Variants in KCNH5 observed in about 807,000 individuals in gnomAD.
The protein encoded by KCNH5 is potassium voltage-gated channel subfamily H member 5, also known as voltage-gated delayed rectifier potassium channel KCNH5.
A neutral mutation model predicts 96.1 loss-of-function variants in KCNH5; 46 were observed. That is an observed-to-expected ratio of 0.48 (90% confidence interval 0.38 to 0.61). The LOEUF (loss-of-function observed/expected upper bound fraction) is 0.61, where lower values mean the gene tolerates loss of function less well. Ranked by LOEUF, KCNH5 falls within the 20% of genes least tolerant of loss-of-function variation. The probability of loss-of-function intolerance (pLI) is 0.00; values close to 1 mark genes in which losing one functional copy is unlikely to be tolerated. For synonymous variants in KCNH5, 439 were observed against 449.8 expected, an observed-to-expected ratio of 0.98 and a Z score of 0.30; for missense variants, 907 against 1,225.8, an observed-to-expected ratio of 0.74 and a Z score of 3.88.
chr14:62,727,774 G>GT (rs1473120579), intron 10 of KCNH5, among the ~76,000 whole-genome samples: 5 of 137,666 alleles, frequency 3.6e-5, no homozygotes, highest in African/African-American at 1.1e-4. Context: ...TTACAGTCTG[G>GT]TAAAAAAAAA....
At chr14:62,855,712 A>G (rs1381061573) in intron 7 of KCNH5, among the ~76,000 whole-genome samples, 1 of 152,222 alleles carries the variant, frequency 6.6e-6, no homozygotes, top group African/African-American at 2.4e-5. Flanking sequence ...ATATAGTTTT[A>G]TATTTTAAAA....
rs999993713 is a variant in KCNH5, at chr14:62,912,288, A to G, written c.1369+37845T>C. On this transcript the variant is annotated intron_variant, in intron 7 of 10. Coordinates refer to ENST00000322893, the MANE Select transcript of KCNH5 (RefSeq NM_139318.5). ...ATAATAAATAGAAATTTGGTTGATG[A>G]CAACCATCAAATCTTATTCTTTGTC... Among the ~76,000 whole-genome samples, 3 of 152,142 alleles carry G rather than the reference A, an allele frequency of 2.0e-5. No homozygotes were observed. In the South Asian group the frequency reaches 6.2e-4, roughly 32 times the overall value.
chr14:62,930,477 A>G (rs1889559996), intron 7 of KCNH5, among the ~76,000 whole-genome samples: 3 of 152,172 alleles, frequency 2.0e-5, no homozygotes, highest in Admixed American at 2.0e-4. Context: ...TGTTTATATA[A>G]CAATGTTCAT....
intron 7 of KCNH5, among the ~76,000 whole-genome samples, chr14:62,862,158 T>C (rs1336832082): frequency 1.3e-5 from 2 of 152,228 alleles, no homozygotes; most frequent in Non-Finnish European, 2.9e-5. Flanking sequence ...TATTTATCTA[T>C]AAAGTTAGTG....
At position 62,802,409 on chromosome 14, in the gene KCNH5, C is replaced by G; in HGVS notation, c.1742G>C (p.Gly581Ala). Residue 581 changes from glycine (G) to alanine (A), a missense_variant, in exon 9 of 11, where the codon GGA becomes GCA. This residue lies in a region of KCNH5 where 20 missense variants were observed against 57.9 expected (regional missense o/e 0.35). Transcript: ENST00000322893. Reference sequence around the variant, plus strand: ...AAAGCAGAGGGCATCCACACTTTCTCCAGCATGGTAAATGAGGTCCCCGGG... The same window carrying G: ...AAAGCAGAGGGCATCCACACTTTCTGCAGCATGGTAAATGAGGTCCCCGGG... Reference protein sequence around the residue: ...CAPGDLIYHAGESVDALCFVV... With the variant: ...CAPGDLIYHAAESVDALCFVV... 6.2e-7 allele frequency: 1 copy of G among 1,614,174 alleles called. No homozygotes were observed. Among genetic ancestry groups the G allele is most frequent in the Non-Finnish European group, 8.5e-7 (1 of 1,180,012 alleles).
At chr14:62,883,452 G>T (rs76014926) in intron 7 of KCNH5, among the ~76,000 whole-genome samples, 2 of 152,132 alleles carry the variant, frequency 1.3e-5, no homozygotes. Context: ...CTCTGCTGCT[G>T]CTCATGGAAT....
chr14:62,709,810 C>T (rs1884531296), intron 10 of KCNH5, among the ~76,000 whole-genome samples: 1 of 152,128 alleles, frequency 6.6e-6, no homozygotes, highest in South Asian at 2.1e-4. Flanking sequence ...GATTTTTGCT[C>T]AGAGTCCTGA....
chr14:62,916,659 C>T (rs17100517), intron 7 of KCNH5, among the ~76,000 whole-genome samples: 7,494 of 152,198 alleles, frequency 0.049, 596 homozygotes, highest in African/African-American at 0.17. Context: ...AGCCAGAAAA[C>T]ACTACTAATG....
intron 7 of KCNH5, among the ~76,000 whole-genome samples, chr14:62,859,941 A>T (rs959472704): frequency 6.6e-6 from 1 of 152,216 alleles, no homozygotes; most frequent in Non-Finnish European, 1.5e-5. Context: ...AATGGAGACC[A>T]TGGGCATTTG....
chr14:62,823,464 T>C lies in KCNH5; in HGVS notation c.1570-20883A>G, dbSNP rs567496449. Reference sequence around the variant, plus strand: ...AGTAATGGAGTCATGGTGAAATTAATACCTCTAAACACCCAGCAGTCAAAT... The same window carrying C: ...AGTAATGGAGTCATGGTGAAATTAACACCTCTAAACACCCAGCAGTCAAAT... On this transcript the variant is annotated intron_variant, in intron 8 of 10. Transcript: ENST00000322893. Among the ~76,000 whole-genome samples the C allele has an allele frequency of 3.3e-5, 5 of 152,178 alleles. No individual in the cohort carries two copies. In the South Asian group the frequency reaches 1.0e-3, roughly 32 times the overall value.
chr14:62,750,150 AGAG>A (rs951986203), intron 10 of KCNH5, among the ~76,000 whole-genome samples: 1 of 152,212 alleles, frequency 6.6e-6, no homozygotes, highest in African/African-American at 2.4e-5. Context: ...AGGCCTTACT[AGAG>A]GAGGAGGTGA....
chr14:62,779,400 T>TA (rs1207708499), intron 10 of KCNH5, among the ~76,000 whole-genome samples: 1 of 152,126 alleles, frequency 6.6e-6, no homozygotes, highest in African/African-American at 2.4e-5. Flanking sequence ...TATAAAAAGG[T>TA]AAAAGACACT....
intron 10 of KCNH5, among the ~76,000 whole-genome samples, chr14:62,729,983 T>C (rs1430556772): frequency 1.3e-5 from 2 of 152,210 alleles, no homozygotes; most frequent in African/African-American, 2.4e-5. Flanking sequence ...TGTTACCGTG[T>C]TACAATACTT....
intron 10 of KCNH5, among the ~76,000 whole-genome samples, chr14:62,745,810 G>C (rs534098749): frequency 4.6e-5 from 7 of 152,202 alleles, no homozygotes; most frequent in Non-Finnish European, 8.8e-5. Context: ...AAAATATCAG[G>C]AGGACCACTT....
rs966308467 is a variant in KCNH5 at position 62,707,191 on chromosome 14, C to A, written c.*317G>T. The stretch of plus-strand genomic sequence containing the variant: ...ATCAAATTTGTCATGGCAACATTGG[C>A]AGGTTGGACCCTGATTCTTCAAATA... On this transcript the variant is annotated 3_prime_UTR_variant, in exon 11 of 11. Transcript: ENST00000322893. The A allele has an allele frequency of 1.3e-5, 2 of 159,652 alleles. No homozygotes were observed. The highest frequency in any genetic ancestry group is 4.8e-5 in the African/African-American group (2 of 41,808). 9.9% of individuals were successfully genotyped at this position (159,652 alleles called of 1,614,324 possible). A position where few individuals can be genotyped will look rare whatever the true frequency, so the allele number is the denominator to read the frequency against.
chr14:62,731,410 A>G (rs1885048077), intron 10 of KCNH5, among the ~76,000 whole-genome samples: 1 of 152,116 alleles, frequency 6.6e-6, no homozygotes, highest in African/African-American at 2.4e-5. Context: ...ATGTCACTGA[A>G]GTTCAGTGTA....
chr14:63,043,644 T>C (rs1009200953), intron 1 of KCNH5, among the ~76,000 whole-genome samples: 3 of 152,224 alleles, frequency 2.0e-5, no homozygotes, highest in Non-Finnish European at 4.4e-5. Context: ...TAGACTTTTA[T>C]TGTTTCAGGC....
At chr14:62,861,176 T>C (rs537047792) in intron 7 of KCNH5, among the ~76,000 whole-genome samples, 17 of 152,302 alleles carry the variant, frequency 1.1e-4, no homozygotes, top group Admixed American at 7.8e-4. Flanking sequence ...CTTTATGTTC[T>C]CAAGGAGCAG....
At chr14:62,869,772 G>C (rs1371094108) in intron 7 of KCNH5, among the ~76,000 whole-genome samples, 1 of 152,148 alleles carries the variant, frequency 6.6e-6, no homozygotes, top group East Asian at 1.9e-4. Context: ...GAACAGAACA[G>C]AGGCCTCAGA....
Sources: allele counts gnomAD v4.1 joint callset (sites outside exome capture counted in the v4.1 genomes callset), GRCh38; gene constraint gnomAD v4.1.1; regional missense constraint gnomAD v4.1.1; transcripts MANE v1.5; gene names NCBI Gene and HGNC (gene_info 2026-07-23, HGNC 2026-07-21).